ZNF141: variants seen among roughly 807,000 people sequenced by gnomAD.
ZNF141 encodes the protein zinc finger protein 141.
In ZNF141, 7 loss-of-function variants were observed where a neutral mutation model predicts 11.3. That is an observed-to-expected ratio of 0.62 (90% CI 0.35 to 1.16). The LOEUF (loss-of-function observed/expected upper bound fraction) is 1.16, where lower values mean the gene tolerates loss of function less well. ZNF141 is among the 50% of genes most tolerant of loss of function. The pLI, the probability that ZNF141 is intolerant of heterozygous loss-of-function variation, is 0.02. For missense variants in ZNF141, 535 were observed against 554.0 expected (o/e 0.97, Z 0.34); for synonymous variants, 183 against 190.7 (o/e 0.96, Z 0.33).
chr4:375,443 C>G lies in ZNF141; in HGVS notation c.*1581C>G, dbSNP rs1712314835. The stretch of plus-strand genomic sequence containing the variant: ...AAAACTGCAGCTTAAACAGTTTACA[C>G]TAGAAAATATTTTGTAGATGCAGTA... On this transcript the variant is annotated 3_prime_UTR_variant, in exon 4 of 4. Coordinates refer to ENST00000240499, the MANE Select transcript of ZNF141 (RefSeq NM_003441.4). Among the ~76,000 whole-genome samples, 1 of 151,958 alleles carries G rather than the reference C, an allele frequency of 6.6e-6. No homozygotes were observed. Among genetic ancestry groups the G allele is most frequent in the African/African-American group, 2.4e-5 (1 of 41,386 alleles).
Position 382,915 on chromosome 4 carries a change from C to T in ZNF141, c.*9053C>T. ...ATGATAAAATTGATTGCAAAAACAG[C>T]AATTTGAAAAATTTCTTATTGTATT... is the stretch of plus-strand genomic sequence containing the variant. On this transcript the variant is annotated 3_prime_UTR_variant, in exon 4 of 4. Coordinates refer to ENST00000240499, the MANE Select transcript of ZNF141 (RefSeq NM_003441.4). 2.0e-6 allele frequency: 1 copy of T among 492,134 alleles called. No individual in the cohort carries two copies. 30.5% of individuals were successfully genotyped at this position (492,134 alleles called of 1,614,324 possible).
chr4:350,542 C>T (rs1399403940), intron 3 of ZNF141, among the ~76,000 whole-genome samples: 1 of 152,124 alleles, frequency 6.6e-6, no homozygotes. Flanking sequence ...AATTTTTTCA[C>T]TTTTTCACTT....
intron 3 of ZNF141, among the ~76,000 whole-genome samples, chr4:354,224 T>A (rs1271253914): frequency 6.6e-6 from 1 of 152,196 alleles, no homozygotes; most frequent in Admixed American, 6.5e-5. Flanking sequence ...AACTGTGCAC[T>A]GATCCTCACC....
rs1485315906 is a variant in ZNF141, at chr4:382,078, T to C, written c.*8216T>C. Among the ~76,000 whole-genome samples, 2 of 151,464 alleles carry C rather than the reference T, an allele frequency of 1.3e-5. No homozygotes were observed. On this transcript the variant is annotated 3_prime_UTR_variant, in exon 4 of 4. Transcript: ENST00000240499. ...CTCCTGCCTCAGCCTCCCAAGTAGC[T>C]GGGACTACAGGCACCTGCTACCATG...
At chr4:338,772 C>T (rs1484848929) in intron 1 of ZNF141, among the ~76,000 whole-genome samples, 1 of 152,188 alleles carries the variant, frequency 6.6e-6, no homozygotes, top group Non-Finnish European at 1.5e-5. Context: ...TCTGTGCTGA[C>T]TCCGGGTGGT....
In ZNF141 at chr4:380,705, T is replaced by C. The variant is rs1553855434; in HGVS notation, c.*6843T>C. On this transcript the variant is annotated 3_prime_UTR_variant, in exon 4 of 4. Coordinates refer to ENST00000240499, the MANE Select transcript of ZNF141 (RefSeq NM_003441.4). ...CACAGAAAATTAATAGCATAGGTATTATTATCCTCATTTTACAGAGAAAGA... is the reference window on the plus strand; with the variant it reads ...CACAGAAAATTAATAGCATAGGTATCATTATCCTCATTTTACAGAGAAAGA... 1.3e-5 allele frequency among the ~76,000 whole-genome samples: 2 copies of C among 151,976 alleles called. No homozygotes were observed. Among genetic ancestry groups the C allele is most frequent in the African/African-American group, 4.8e-5 (2 of 41,366 alleles).
At chr4:355,422 T>A (rs1441165753) in intron 3 of ZNF141, among the ~76,000 whole-genome samples, 1 of 152,154 alleles carries the variant, frequency 6.6e-6, no homozygotes, top group Non-Finnish European at 1.5e-5. Flanking sequence ...GCCAGGCTGG[T>A]CTCGAACTCC....
chr4:381,946 C>CTTTTTTTTTTTTTTTT lies in ZNF141; in HGVS notation c.*8088_*8103dup, dbSNP rs34905613. On this transcript the variant is annotated 3_prime_UTR_variant, in exon 4 of 4. Coordinates refer to ENST00000240499, the MANE Select transcript of ZNF141 (RefSeq NM_003441.4). ...CTAGGGCCACCACCATCTCTGGGAA[C>CTTTTTTTTTTTTTTTT]TTTTTTTTTTTTTTTTTTTGAGACG... Among the ~76,000 whole-genome samples the CTTTTTTTTTTTTTTTT allele has an allele frequency of 2.2e-4, 23 of 105,936 alleles. 2 individuals carry two copies. Among genetic ancestry groups the CTTTTTTTTTTTTTTTT allele is most frequent in the African/African-American group, 8.5e-4 (19 of 22,410 alleles). 69.5% of individuals were successfully genotyped at this position (105,936 alleles called of 152,430 possible). A position where few individuals can be genotyped will look rare whatever the true frequency, so the allele number is the denominator to read the frequency against.
intron 3 of ZNF141, among the ~76,000 whole-genome samples, chr4:348,698 C>T (rs1333888348): frequency 6.7e-6 from 1 of 149,114 alleles, no homozygotes; most frequent in Non-Finnish European, 1.5e-5. Context: ...CACTGCACTC[C>T]AGCCTGGGTG....
intron 1 of ZNF141, among the ~76,000 whole-genome samples, chr4:342,585 A>G (rs1553848659): frequency 6.6e-6 from 1 of 152,204 alleles, no homozygotes; most frequent in African/African-American, 2.4e-5. Flanking sequence ...AGTGAGGCCT[A>G]CAATATCAAA....
intron 1 of ZNF141, among the ~76,000 whole-genome samples, chr4:342,092 A>G (rs1286718521): frequency 4.6e-5 from 7 of 152,194 alleles, no homozygotes; most frequent in Non-Finnish European, 8.8e-5. Flanking sequence ...GTCAGGGGAA[A>G]CAGAAAGGAA....
chr4:367,496 C>T (rs1553853053), intron 3 of ZNF141, among the ~76,000 whole-genome samples: 1 of 150,368 alleles, frequency 6.7e-6, no homozygotes, highest in Non-Finnish European at 1.5e-5. Context: ...TTTTAATTGT[C>T]AAAAACACAT....
chr4:343,687 T>C, intron 1 of ZNF141, 95 bp from the exon 2 acceptor site: 7 of 1,249,256 alleles, frequency 5.6e-6, no homozygotes, highest in Non-Finnish European at 7.2e-6. Context: ...ACTGCGCCGC[T>C]GCACTCCAGC....
At chr4:347,593 C>T (rs1721396968) in intron 3 of ZNF141, among the ~76,000 whole-genome samples, 2 of 152,008 alleles carry the variant, frequency 1.3e-5, no homozygotes, top group African/African-American at 4.8e-5. Context: ...CCTGCCTCGG[C>T]CTCCCAAAGT....
chr4:383,075 G>C lies in ZNF141; in HGVS notation c.*9213G>C, dbSNP rs1166289087. 1.5e-6 allele frequency: 1 copy of C among 684,004 alleles called. No homozygotes were observed. Among genetic ancestry groups the C allele is most frequent in the Non-Finnish European group, 2.7e-6 (1 of 377,166 alleles). The allele number at this position is 684,004 out of a possible 1,614,324, so 42.4% of individuals were successfully genotyped here. On this transcript the variant is annotated 3_prime_UTR_variant, in exon 4 of 4. Transcript: ENST00000240499. ...GGGCCCAGGTTTAAAGGTCCTAAAT[G>C]CTTCTGTTATCTTTTTCAGAATTCT...
chr4:342,980 G>T, intron 1 of ZNF141: 1 of 1,346,948 alleles, frequency 7.4e-7, no homozygotes, highest in Middle Eastern at 2.3e-4. Context: ...TTTAAAATCA[G>T]TTCCTTGCGT....
Position 383,207 on chromosome 4 carries a change from C to T in ZNF141, c.*9345C>T. 1 of 696,626 alleles carries T rather than the reference C, an allele frequency of 1.4e-6. No individual in the cohort carries two copies. The highest frequency in any genetic ancestry group is 1.5e-5 in the South Asian group (1 of 66,578). 43.2% of individuals were successfully genotyped at this position (696,626 alleles called of 1,614,324 possible). A position where few individuals can be genotyped will look rare whatever the true frequency, so the allele number is the denominator to read the frequency against. Reference sequence around the variant, plus strand: ...AGCTCACTCACAGAAGCAGAGCCACCTAATTCACCAGCATCTAACCACTCA... The same window carrying T: ...AGCTCACTCACAGAAGCAGAGCCACTTAATTCACCAGCATCTAACCACTCA... On this transcript the variant is annotated 3_prime_UTR_variant, in exon 4 of 4. Coordinates refer to ENST00000240499, the MANE Select transcript of ZNF141 (RefSeq NM_003441.4).
At position 380,308 on chromosome 4, in the gene ZNF141, TA is replaced by T. The variant is rs1191023988; in HGVS notation, c.*6448del. On this transcript the variant is annotated 3_prime_UTR_variant, in exon 4 of 4. Transcript: ENST00000240499. ...GGAATTCCGTATATACATGTTTTAGTAATAGTTGATTTCTACCAAATGCTAA... is the reference window on the plus strand; with the variant it reads ...GGAATTCCGTATATACATGTTTTAGTATAGTTGATTTCTACCAAATGCTAA... Among the ~76,000 whole-genome samples, 6 of 152,208 alleles carry T rather than the reference TA, an allele frequency of 3.9e-5. No homozygotes were observed. Among genetic ancestry groups the T allele is most frequent in the Non-Finnish European group, 7.3e-5 (5 of 68,040 alleles).
intron 3 of ZNF141, among the ~76,000 whole-genome samples, chr4:349,119 C>A (rs918978279): frequency 4.0e-5 from 6 of 151,544 alleles, no homozygotes; most frequent in African/African-American, 1.5e-4. Context: ...TTTGTTTTTA[C>A]TCTATGGAAA....
Sources: allele counts gnomAD v4.1 joint callset (sites outside exome capture counted in the v4.1 genomes callset), GRCh38; gene constraint gnomAD v4.1.1; transcripts MANE v1.5; gene names NCBI Gene and HGNC (gene_info 2026-07-23, HGNC 2026-07-21).